CD59: variants seen among roughly 807,000 people sequenced by gnomAD.
CD59 encodes the protein CD59 glycoprotein.
CD59 carries 3 observed loss-of-function variants against 7.0 expected under a neutral mutation model. The ratio of observed to expected loss-of-function variants is 0.43; its 90% CI spans 0.19 to 1.10. The LOEUF (loss-of-function observed/expected upper bound fraction) is 1.10, where lower values mean the gene tolerates loss of function less well. CD59 is among the 50% of genes least tolerant of loss of function. CD59 has a pLI of 0.29. For synonymous variants in CD59, 60 were observed against 62.0 expected (o/e 0.97, Z 0.15); for missense variants, 143 against 151.0 (o/e 0.95, Z 0.28).
rs1320041919 is a variant in CD59 at position 33,722,564 on chromosome 11, C to G, written c.-18-101G>C. The G allele has an allele frequency of 2.6e-6, 4 of 1,543,686 alleles. No homozygotes were observed. In the African/African-American group the frequency reaches 5.5e-5, roughly 21 times the overall value. ...AGGCCAAGAAGGCTTCTGAGAGGAACATTTACAGGGGGAGTCAAGGCACAC... is the reference window on the plus strand; with the variant it reads ...AGGCCAAGAAGGCTTCTGAGAGGAAGATTTACAGGGGGAGTCAAGGCACAC... On this transcript the variant is annotated intron_variant, in intron 1 of 3. Transcript: ENST00000642928.
chr11:33,730,674 G>T (rs1225123283), intron 1 of CD59, among the ~76,000 whole-genome samples: 1 of 152,178 alleles, frequency 6.6e-6, no homozygotes, highest in Non-Finnish European at 1.5e-5. Context: ...GCCTCTTTAA[G>T]AAATTGCACA....
At chr11:33,731,807 C>A (rs147885581) in intron 1 of CD59, among the ~76,000 whole-genome samples, 256 of 149,906 alleles carry the variant, frequency 1.7e-3, no homozygotes, top group African/African-American at 5.9e-3. Context: ...TTTAAGGGCC[C>A]ATATGATTAT....
chr11:33,732,833 G>A (rs1292177163), intron 1 of CD59, among the ~76,000 whole-genome samples: 3 of 152,214 alleles, frequency 2.0e-5, no homozygotes, highest in Non-Finnish European at 4.4e-5. Context: ...CCAGGAACCT[G>A]TGAAAACAGG....
At chr11:33,728,507 C>A (rs1096559) in intron 1 of CD59, among the ~76,000 whole-genome samples, 60,662 of 151,654 alleles carry the variant, frequency 0.4, 12,887 homozygotes, top group Middle Eastern at 0.48. Flanking sequence ...TTACACCTTA[C>A]ACAAAAGTTA....
rs535350684 is a variant in CD59 at position 33,717,279 on chromosome 11, G to A, written c.169+91C>T. 5.3e-5 allele frequency: 40 copies of A among 757,218 alleles called. No individual in the cohort carries two copies. The East Asian group carries it at 1.0e-3, about 19-fold the overall frequency. The allele number at this position is 757,218 out of a possible 1,614,324, so 46.9% of individuals were successfully genotyped here. On this transcript the variant is annotated intron_variant, in intron 3 of 3. Coordinates refer to ENST00000642928, the MANE Select transcript of CD59 (RefSeq NM_000611.6). ...TAATAAATGGTAGCTATTACTTGAT[G>A]CAAGCCTAATGAGGATTACAGTGGC...
chr11:33,710,017 T>C lies in CD59; in HGVS notation c.*109A>G, dbSNP rs1853468415. The C allele has an allele frequency of 2.9e-5, 27 of 929,694 alleles. No homozygotes were observed. The South Asian group carries it at 3.8e-4, about 13-fold the overall frequency. 57.6% of individuals were successfully genotyped at this position (929,694 alleles called of 1,614,324 possible). On this transcript the variant is annotated 3_prime_UTR_variant, in exon 4 of 4. Transcript: ENST00000642928. ...CAGGTTGCTCAAGCTAATTTTATTC[T>C]TTCCCAACAGGATCCATTTGGAAAA...
chr11:33,733,052 C>T (rs145254863), intron 1 of CD59, among the ~76,000 whole-genome samples: 15 of 152,228 alleles, frequency 9.9e-5, no homozygotes, highest in Non-Finnish European at 2.1e-4. Context: ...GGCACACAGG[C>T]GGCCTTTAGA....
At chr11:33,732,234 G>C (rs773979701) in intron 1 of CD59, among the ~76,000 whole-genome samples, 9 of 151,648 alleles carry the variant, frequency 5.9e-5, no homozygotes, top group Non-Finnish European at 1.2e-4. Flanking sequence ...ATCTCATGTT[G>C]AATTTTAATC....
intron 1 of CD59, chr11:33,731,547 A>G (rs1365973200): frequency 6.6e-6 from 1 of 152,178 alleles, no homozygotes; most frequent in African/African-American, 2.4e-5. Context: ...AGGGCTCTTA[A>G]GTAGATGATT....
chr11:33,711,085 T>TC (rs1853536174), intron 3 of CD59, among the ~76,000 whole-genome samples: 1 of 149,270 alleles, frequency 6.7e-6, no homozygotes, highest in Non-Finnish European at 1.5e-5. Flanking sequence ...TAAACTGGAC[T>TC]CCATCAAAAT....
At chr11:33,722,951 A>G in intron 1 of CD59, 2 of 1,065,042 alleles carry the variant, frequency 1.9e-6, no homozygotes, top group Non-Finnish European at 2.3e-6. Context: ...AAGAAGTATA[A>G]TGGGGACACT....
At chr11:33,733,904 A>C (rs1451566905) in intron 1 of CD59, among the ~76,000 whole-genome samples, 1 of 152,232 alleles carries the variant, frequency 6.6e-6, no homozygotes, top group Non-Finnish European at 1.5e-5. Flanking sequence ...AAGAATTTTA[A>C]GGCTAGAAGT....
rs1853212313 is a variant in CD59, at chr11:33,704,114, G to C, written c.*6012C>G. On this transcript the variant is annotated 3_prime_UTR_variant, in exon 4 of 4. Transcript: ENST00000642928. ...CTGACCAGGTGCTCAGCCTCTTTAGGGATATGTCACAATTTGCCGTGCCCG... is the reference window on the plus strand; with the variant it reads ...CTGACCAGGTGCTCAGCCTCTTTAGCGATATGTCACAATTTGCCGTGCCCG... The C allele has an allele frequency of 6.6e-6, 1 of 152,120 alleles. No homozygotes were observed. Among genetic ancestry groups the C allele is most frequent in the South Asian group, 2.1e-4 (1 of 4,810 alleles). The allele number at this position is 152,120 out of a possible 1,614,324, so 9.4% of individuals were successfully genotyped here. A position where few individuals can be genotyped will look rare whatever the true frequency, so the allele number is the denominator to read the frequency against.
At chr11:33,717,671 G>A (rs1321876978) in intron 2 of CD59, 200 bp from the exon 3 acceptor site, 10 of 571,028 alleles carry the variant, frequency 1.8e-5, no homozygotes, top group Non-Finnish European at 3.2e-5. Context: ...CAAGCACAAA[G>A]GAAATATCCA....
intron 3 of CD59, among the ~76,000 whole-genome samples, chr11:33,714,871 G>A (rs1853717071): frequency 6.6e-6 from 1 of 151,514 alleles, no homozygotes; most frequent in Non-Finnish European, 1.5e-5. Flanking sequence ...TCATGGGGCT[G>A]TCCTGTCCTA....
intron 3 of CD59, among the ~76,000 whole-genome samples, chr11:33,714,103 A>G (rs1429456502): frequency 6.6e-6 from 1 of 152,224 alleles, no homozygotes; most frequent in Non-Finnish European, 1.5e-5. Flanking sequence ...GATGCCAGTA[A>G]ATATTGGTTG....
chr11:33,715,136 T>C (rs56399849), intron 3 of CD59, among the ~76,000 whole-genome samples: 38,067 of 151,784 alleles, frequency 0.25, 5,219 homozygotes, highest in Middle Eastern at 0.33. Context: ...ATAAAAAATA[T>C]AGTAAATACA....
chr11:33,731,784 AG>A (rs1187131513), intron 1 of CD59, among the ~76,000 whole-genome samples: 7 of 150,376 alleles, frequency 4.7e-5, no homozygotes. Flanking sequence ...AATATTTAGG[AG>A]CCGCTTCTAC....
At chr11:33,727,410 AAC>A (rs1417331152) in intron 1 of CD59, among the ~76,000 whole-genome samples, 1 of 152,242 alleles carries the variant, frequency 6.6e-6, no homozygotes, top group Non-Finnish European at 1.5e-5. Context: ...AAACAGAACC[AAC>A]GACAAAAACC....
Sources: allele counts gnomAD v4.1 joint callset (sites outside exome capture counted in the v4.1 genomes callset), GRCh38; gene constraint gnomAD v4.1.1; transcripts MANE v1.5; gene names NCBI Gene and HGNC (gene_info 2026-07-23, HGNC 2026-07-21).